SPAG9: variants seen among roughly 807,000 people sequenced by gnomAD.
The protein encoded by SPAG9 is C-Jun-amino-terminal kinase-interacting protein 4.
In SPAG9, 35 loss-of-function variants were observed where a neutral mutation model predicts 166.5. The observed-to-expected ratio is 0.21, with a 90% confidence interval of 0.16 to 0.28. The LOEUF (loss-of-function observed/expected upper bound fraction) is 0.28. Among genes scored for constraint, SPAG9 ranks in the 10% least tolerant of loss-of-function variants. The pLI, the probability that SPAG9 is intolerant of heterozygous loss-of-function variation, is 1.00. For missense variants in SPAG9, 1,235 were observed against 1,603.3 expected (o/e 0.77, Z 3.92); for synonymous variants, 534 against 565.5 (o/e 0.94, Z 0.79).
At chr17:51,104,274 C>A (rs1386690577) in intron 1 of SPAG9, among the ~76,000 whole-genome samples, 2 of 152,106 alleles carry the variant, frequency 1.3e-5, no homozygotes, top group Non-Finnish European at 2.9e-5. Context: ...AGAGAAGGAC[C>A]TTGTCTGTTT....
At chr17:51,047,713 A>C (rs1243491984) in intron 3 of SPAG9, among the ~76,000 whole-genome samples, 1 of 151,792 alleles carries the variant, frequency 6.6e-6, no homozygotes, top group Non-Finnish European at 1.5e-5. Context: ...AAAAAAAAAA[A>C]AAAAACCCAC....
intron 1 of SPAG9, among the ~76,000 whole-genome samples, chr17:51,080,903 AAAAAAAAAAG>A: frequency 6.6e-6 from 1 of 151,026 alleles, no homozygotes. Flanking sequence ...AAAAAAAAAA[AAAAAAAAAAG>A]CATCTTAAAT....
At position 51,115,365 on chromosome 17, in the gene SPAG9, T is replaced by C. The variant is rs988013492; in HGVS notation, c.303+4989A>G. Among the ~76,000 whole-genome samples, 8 of 151,724 alleles carry C rather than the reference T, an allele frequency of 5.3e-5. 1 individual carries two copies. The South Asian group carries it at 1.7e-3, about 32-fold the overall frequency. ...CATCACACCCAACTAATTTTTTTTA[T>C]GGTTTTTGGGGAAGAGGGGTCTCAC... is the stretch of plus-strand genomic sequence containing the variant. On this transcript the variant is annotated intron_variant, in intron 1 of 29. Transcript: ENST00000262013.
chr17:50,998,180 C>T (rs140658669), intron 15 of SPAG9, among the ~76,000 whole-genome samples: 1,521 of 151,952 alleles, frequency 0.01, 12 homozygotes, highest in Non-Finnish European at 0.015. Flanking sequence ...TACAGCCACA[C>T]ACCACCACGC....
At chr17:51,041,451 G>A in intron 5 of SPAG9, 50 bp downstream of exon 5, 1 of 1,559,994 alleles carries the variant, frequency 6.4e-7, no homozygotes, top group Non-Finnish European at 8.7e-7. Context: ...ATTAGGATAA[G>A]AAAGTTTATG....
At chr17:51,094,949 T>C (rs1402807076) in intron 1 of SPAG9, among the ~76,000 whole-genome samples, 1 of 152,086 alleles carries the variant, frequency 6.6e-6, no homozygotes, top group Non-Finnish European at 1.5e-5. Flanking sequence ...CACCAGTAAA[T>C]GTAAAACATG....
Position 50,999,354 on chromosome 17 carries a change from G to T in SPAG9, c.1664+307C>A, listed in dbSNP as rs2044823336. 8.0e-6 allele frequency: 6 copies of T among 749,938 alleles called. 1 individual carries two copies. Among genetic ancestry groups the T allele is most frequent in the South Asian group, 4.4e-5 (2 of 45,668 alleles). 46.5% of individuals were successfully genotyped at this position (749,938 alleles called of 1,614,324 possible). A position where few individuals can be genotyped will look rare whatever the true frequency, so the allele number is the denominator to read the frequency against. The stretch of plus-strand genomic sequence containing the variant: ...AGAAACTTATTTAATGGGGATCCAG[G>T]TCATTTTCAAGTCTCTAAATAATTC... On this transcript the variant is annotated intron_variant, in intron 14 of 29. Coordinates refer to ENST00000262013, the MANE Select transcript of SPAG9 (RefSeq NM_001130528.3).
chr17:51,116,018 A>G (rs1409144668), intron 1 of SPAG9, among the ~76,000 whole-genome samples: 1 of 151,976 alleles, frequency 6.6e-6, no homozygotes, highest in Non-Finnish European at 1.5e-5. Flanking sequence ...TTAAACTCGT[A>G]TGTCTACTTT....
intron 1 of SPAG9, among the ~76,000 whole-genome samples, chr17:51,116,478 G>A (rs1458685680): frequency 6.6e-6 from 1 of 152,116 alleles, no homozygotes; most frequent in Non-Finnish European, 1.5e-5. Context: ...AAAAATCACT[G>A]GGCTGGGGCA....
At chr17:51,097,889 C>A (rs1023453337) in intron 1 of SPAG9, among the ~76,000 whole-genome samples, 1 of 152,154 alleles carries the variant, frequency 6.6e-6, no homozygotes, top group Non-Finnish European at 1.5e-5. Context: ...CCTTGACCTT[C>A]AGGGCTCACT....
At chr17:51,077,638 C>G (rs1346630358) in intron 2 of SPAG9, among the ~76,000 whole-genome samples, 1 of 151,954 alleles carries the variant, frequency 6.6e-6, no homozygotes, top group African/African-American at 2.4e-5. Context: ...ATCATGCAGT[C>G]CTCCGAGATT....
At chr17:51,100,322 G>GTTTTAAC (rs199874235) in intron 1 of SPAG9, among the ~76,000 whole-genome samples, 17,444 of 151,238 alleles carry the variant, frequency 0.12, 1,225 homozygotes, top group Non-Finnish European at 0.16. Flanking sequence ...GTTAAAACTA[G>GTTTTAAC]GGTCAGGCAC....
intron 26 of SPAG9, among the ~76,000 whole-genome samples, chr17:50,977,622 G>T (rs1318625011): frequency 6.6e-6 from 1 of 152,164 alleles, no homozygotes; most frequent in East Asian, 1.9e-4. Context: ...AGTGAAACTG[G>T]CAGGGCACGG....
chr17:50,999,762 T>G, intron 13 of SPAG9, 45 bp from the exon 14 acceptor site: 1 of 1,528,488 alleles, frequency 6.5e-7, no homozygotes, highest in Non-Finnish European at 9.0e-7. Flanking sequence ...CAGTGAGGTA[T>G]TCTACCTTTC....
chr17:51,037,168 T>A (rs981327336), intron 5 of SPAG9, among the ~76,000 whole-genome samples: 3 of 152,144 alleles, frequency 2.0e-5, no homozygotes, highest in African/African-American at 7.2e-5. Context: ...AGTGGCATGA[T>A]CATGGCTCAC....
chr17:51,109,402 A>G lies in SPAG9; in HGVS notation c.303+10952T>C, dbSNP rs1056615128. On this transcript the variant is annotated intron_variant, in intron 1 of 29. Coordinates refer to ENST00000262013, the MANE Select transcript of SPAG9 (RefSeq NM_001130528.3). ...CAGGCACACACCACCATGCCCAGCTAATTTTTGTATTTTTAGTAGAGACGG... is the reference window on the plus strand; with the variant it reads ...CAGGCACACACCACCATGCCCAGCTGATTTTTGTATTTTTAGTAGAGACGG... Among the ~76,000 whole-genome samples the G allele has an allele frequency of 2.0e-5, 3 of 148,502 alleles. No homozygotes were observed. The Admixed American group carries it at 2.0e-4, about 10-fold the overall frequency.
chr17:51,064,775 G>A (rs963298053), intron 2 of SPAG9, among the ~76,000 whole-genome samples: 5 of 152,144 alleles, frequency 3.3e-5, no homozygotes, highest in Admixed American at 6.5e-5. Flanking sequence ...TAGTGGTGGC[G>A]ATTGTACAAC....
rs1340806155 is a variant in SPAG9 at position 51,096,339 on chromosome 17, ACT to A, written c.304-16637_304-16636del. On this transcript the variant is annotated intron_variant, in intron 1 of 29. Coordinates refer to ENST00000262013, the MANE Select transcript of SPAG9 (RefSeq NM_001130528.3). ...ACTCCAGCCTGGGTGACAGAGTGAG[ACT>A]CTGTCTCAAAAAAAAACAAAAAAAA... Among the ~76,000 whole-genome samples the A allele has an allele frequency of 2.7e-5, 4 of 150,926 alleles. No individual in the cohort carries two copies. In the South Asian group the frequency reaches 6.3e-4, roughly 24 times the overall value.
intron 1 of SPAG9, among the ~76,000 whole-genome samples, chr17:51,095,294 T>A (rs2048579950): frequency 9.2e-6 from 1 of 108,704 alleles, no homozygotes; most frequent in South Asian, 3.3e-4. Flanking sequence ...AGACTCCATC[T>A]TTAAAAAAAA....
Sources: allele counts gnomAD v4.1 joint callset (sites outside exome capture counted in the v4.1 genomes callset), GRCh38; gene constraint gnomAD v4.1.1; transcripts MANE v1.5; gene names NCBI Gene and HGNC (gene_info 2026-07-23, HGNC 2026-07-21).